LRRC8B: variants seen among roughly 807,000 people sequenced by gnomAD.
The protein encoded by LRRC8B is leucine rich repeat containing 8 VRAC subunit B.
In LRRC8B, 23 loss-of-function variants were observed where a neutral mutation model predicts 58.8. The observed-to-expected ratio is 0.39, with a 90% confidence interval of 0.28 to 0.55. The LOEUF is 0.55. Among genes scored for constraint, LRRC8B ranks in the 20% least tolerant of loss-of-function variants. The pLI is 0.62. For synonymous variants in LRRC8B, 359 were observed against 374.1 expected (o/e 0.96, Z 0.47); for missense variants, 694 against 936.0 (o/e 0.74, Z 3.37).
At chr1:89,588,425 CTT>C (rs1239596506) in intron 5 of LRRC8B, among the ~76,000 whole-genome samples, 1 of 152,078 alleles carries the variant, frequency 6.6e-6, no homozygotes. Context: ...TAGAGTGACT[CTT>C]GTGTTCTGTG....
At chr1:89,586,184 C>T (rs1312102253) in intron 5 of LRRC8B, among the ~76,000 whole-genome samples, 1 of 152,202 alleles carries the variant, frequency 6.6e-6, no homozygotes, top group Admixed American at 6.5e-5. Context: ...GAGCCCCGCT[C>T]CCAGGGTTTC....
intron 1 of LRRC8B, among the ~76,000 whole-genome samples, chr1:89,543,463 A>C (rs1557596645): frequency 6.6e-6 from 1 of 152,078 alleles, no homozygotes; most frequent in Non-Finnish European, 1.5e-5. Flanking sequence ...TACAAGAAAA[A>C]ATTTATTCTA....
rs1653711842 is a variant in LRRC8B at position 89,574,624 on chromosome 1, A to G, written c.-124-4967A>G. The stretch of plus-strand genomic sequence containing the variant: ...CCCCTTTTTTTTTGATACTGTGATC[A>G]AAGTATTTCAAGAAAGAGACTAATT... On this transcript the variant is annotated intron_variant, in intron 3 of 5. Coordinates refer to ENST00000330947, the MANE Select transcript of LRRC8B (RefSeq NM_001369817.2). Among the ~76,000 whole-genome samples the G allele has an allele frequency of 2.0e-5, 3 of 152,172 alleles. No individual in the cohort carries two copies. The South Asian group carries it at 6.2e-4, about 31-fold the overall frequency.
chr1:89,593,316 G>A lies in LRRC8B; in HGVS notation c.*273G>A, dbSNP rs746672486. The A allele has an allele frequency of 7.1e-5, 24 of 338,772 alleles. No individual in the cohort carries two copies. Among genetic ancestry groups the A allele is most frequent in the Non-Finnish European group, 1.1e-4 (21 of 183,068 alleles). 21.0% of individuals were successfully genotyped at this position (338,772 alleles called of 1,614,324 possible). The stretch of plus-strand genomic sequence containing the variant: ...TGCTTGAACCAGGGAGGTGGAGGTT[G>A]CAGTGAGCCGAGATTGTGCCACTGT... On this transcript the variant is annotated 3_prime_UTR_variant, in exon 6 of 6. Coordinates refer to ENST00000330947, the MANE Select transcript of LRRC8B (RefSeq NM_001369817.2).
chr1:89,538,260 G>A (rs1264815072), intron 1 of LRRC8B, among the ~76,000 whole-genome samples: 1 of 152,168 alleles, frequency 6.6e-6, no homozygotes, highest in Non-Finnish European at 1.5e-5. Flanking sequence ...TCTGGCTGGT[G>A]GCAGGAGAGA....
At chr1:89,537,370 C>T (rs2100817657) in intron 1 of LRRC8B, among the ~76,000 whole-genome samples, 1 of 152,306 alleles carries the variant, frequency 6.6e-6, no homozygotes, top group African/African-American at 2.4e-5. Flanking sequence ...GTGTTGAAAC[C>T]TAATCCCAAG....
At chr1:89,541,888 G>T (rs1416241106) in intron 1 of LRRC8B, among the ~76,000 whole-genome samples, 5 of 152,000 alleles carry the variant, frequency 3.3e-5, no homozygotes, top group Non-Finnish European at 2.9e-5. Flanking sequence ...ACATTCTTCA[G>T]AACAGAAAGC....
At chr1:89,559,494 T>A (rs1412391352) in intron 1 of LRRC8B, among the ~76,000 whole-genome samples, 1 of 151,402 alleles carries the variant, frequency 6.6e-6, no homozygotes, top group African/African-American at 2.4e-5. Flanking sequence ...AATAGCTGGG[T>A]ATGGTGGCGT....
rs1655215898 is a variant in LRRC8B, at chr1:89,595,011, C to T, written c.*1968C>T. 1 of 152,102 alleles carries T rather than the reference C, an allele frequency of 6.6e-6. No individual in the cohort carries two copies. The highest frequency in any genetic ancestry group is 1.5e-5 in the Non-Finnish European group (1 of 67,964). 9.4% of individuals were successfully genotyped at this position (152,102 alleles called of 1,614,324 possible). On this transcript the variant is annotated 3_prime_UTR_variant, in exon 6 of 6. Transcript: ENST00000330947. ...AGCTTCCCCTCACCTGCCACACACT[C>T]CTGCACTAAAGTTCAAAGAAAAGAA...
chr1:89,593,225 A>G lies in LRRC8B; in HGVS notation c.*182A>G. ...CCCCATCTCTGCTAAAACTACAAAA[A>G]AATTAGCCAGGCGTGGTGGCGTGCG... On this transcript the variant is annotated 3_prime_UTR_variant, in exon 6 of 6. Coordinates refer to ENST00000330947, the MANE Select transcript of LRRC8B (RefSeq NM_001369817.2). 1.7e-6 allele frequency: 1 copy of G among 583,582 alleles called. No individual in the cohort carries two copies. Among genetic ancestry groups the G allele is most frequent in the South Asian group, 2.2e-5 (1 of 44,922 alleles). 36.2% of individuals were successfully genotyped at this position (583,582 alleles called of 1,614,324 possible). A position where few individuals can be genotyped will look rare whatever the true frequency, so the allele number is the denominator to read the frequency against.
intron 1 of LRRC8B, among the ~76,000 whole-genome samples, chr1:89,555,178 T>C (rs570661431): frequency 6.6e-6 from 1 of 152,210 alleles, no homozygotes; most frequent in Non-Finnish European, 1.5e-5. Context: ...AATGTAGGCA[T>C]TCTATGTGAT....
In LRRC8B at chr1:89,547,735, C is replaced by G. The variant is rs376937174; in HGVS notation, c.-240-20512C>G. Among the ~76,000 whole-genome samples the G allele has an allele frequency of 1.8e-3, 277 of 151,754 alleles. 3 individuals carry two copies. Among genetic ancestry groups the G allele is most frequent in the African/African-American group, 6.2e-3 (258 of 41,466 alleles). On this transcript the variant is annotated intron_variant, in intron 1 of 5. Coordinates refer to ENST00000330947, the MANE Select transcript of LRRC8B (RefSeq NM_001369817.2). ...CAAGAAACCACCATGTGCAGTTTAT[C>G]ATGCCCATCAGGGCAAAGGAATCCA...
chr1:89,534,351 T>C (rs1468074098), intron 1 of LRRC8B, among the ~76,000 whole-genome samples: 1 of 152,232 alleles, frequency 6.6e-6, no homozygotes, highest in Non-Finnish European at 1.5e-5. Flanking sequence ...ATATCTCACA[T>C]CATCCGTTTA....
At chr1:89,540,868 C>T (rs1247451938) in intron 1 of LRRC8B, among the ~76,000 whole-genome samples, 1 of 152,114 alleles carries the variant, frequency 6.6e-6, no homozygotes, top group Non-Finnish European at 1.5e-5. Context: ...ATTCTATTTC[C>T]TTTTATCAGA....
intron 1 of LRRC8B, among the ~76,000 whole-genome samples, chr1:89,551,039 A>G (rs17130826): frequency 0.018 from 2,796 of 152,116 alleles, 84 homozygotes; most frequent in African/African-American, 0.064. Flanking sequence ...TCACTGCCTC[A>G]TTTATTTGTG....
chr1:89,534,405 CG>C (rs1650369457), intron 1 of LRRC8B, among the ~76,000 whole-genome samples: 1 of 151,960 alleles, frequency 6.6e-6, no homozygotes, highest in South Asian at 2.1e-4. Flanking sequence ...AGGAATTTTA[CG>C]TAGATCTTTT....
intron 1 of LRRC8B, among the ~76,000 whole-genome samples, chr1:89,562,150 A>AAC (rs59568247): frequency 0.037 from 5,173 of 139,556 alleles, 148 homozygotes; most frequent in African/African-American, 0.088. Flanking sequence ...CACCTCCCAA[A>AAC]ACACACACAC....
intron 1 of LRRC8B, among the ~76,000 whole-genome samples, chr1:89,532,426 C>A (rs1650209843): frequency 6.6e-6 from 1 of 152,216 alleles, no homozygotes; most frequent in Non-Finnish European, 1.5e-5. Flanking sequence ...CAAATCTCAT[C>A]TTGAATTGTA....
chr1:89,526,058 A>G (rs1649671286), intron 1 of LRRC8B, among the ~76,000 whole-genome samples: 1 of 152,216 alleles, frequency 6.6e-6, no homozygotes, highest in Non-Finnish European at 1.5e-5. Flanking sequence ...AAATCTTAAA[A>G]CAGATTTATC....
Sources: gnomAD v4.1 joint callset for allele counts (sites outside exome capture counted in the v4.1 genomes callset) on GRCh38, gnomAD v4.1.1 for gene constraint, MANE v1.5 for transcripts, NCBI Gene and HGNC (gene_info 2026-07-23, HGNC 2026-07-21) for gene names.